The following GSE1 variants were observed in gnomAD, a reference collection of about 807,000 sequenced individuals.
GSE1 encodes Gse1 coiled-coil protein.
A neutral mutation model predicts 112.6 loss-of-function variants in GSE1; 32 were observed. That is an observed-to-expected ratio of 0.28 (90% CI 0.21 to 0.38). The LOEUF is 0.38. GSE1 is among the 10% of genes least tolerant of loss of function. The pLI, the probability that GSE1 is intolerant of heterozygous loss-of-function variation, is 1.00. For missense variants in GSE1, 2,348 were observed against 1,699.2 expected (o/e 1.38, Z -6.71); for synonymous variants, 1,115 against 735.6 (o/e 1.52, Z -8.35).
At chr16:85,646,502 G>A (rs992746791) in intron 2 of GSE1, among the ~76,000 whole-genome samples, 5 of 152,332 alleles carry the variant, frequency 3.3e-5, no homozygotes, top group Admixed American at 3.3e-4. Context: ...TGATATCATA[G>A]AATCCAGGGC....
chr16:85,420,001 G>A (rs2048795089), intron 2 of GSE1, among the ~76,000 whole-genome samples: 1 of 152,208 alleles, frequency 6.6e-6, no homozygotes, highest in African/African-American at 2.4e-5. Flanking sequence ...TGAATGCTGA[G>A]CTTGACATCG....
chr16:85,225,453 G>A (rs571576870), intron 1 of GSE1, among the ~76,000 whole-genome samples: 5 of 152,204 alleles, frequency 3.3e-5, no homozygotes, highest in Admixed American at 6.5e-5. Flanking sequence ...GGGGCTTTGT[G>A]GGGGGTAGGG....
chr16:85,636,170 C>A (rs748133539), intron 2 of GSE1, among the ~76,000 whole-genome samples: 12 of 152,192 alleles, frequency 7.9e-5, no homozygotes, highest in Non-Finnish European at 1.3e-4. Context: ...TGGTGGATGC[C>A]CCCCAGGAAA....
chr16:85,616,672 C>T (rs1426930693), intron 1 of GSE1, among the ~76,000 whole-genome samples: 1 of 152,036 alleles, frequency 6.6e-6, no homozygotes, highest in African/African-American at 2.4e-5. Flanking sequence ...GTGCCGAAGC[C>T]TGGCCGCCTG....
Position 85,322,614 on chromosome 16 carries a change from C to CT in GSE1, c.2284-34830dup, listed in dbSNP as rs34218941. Reference sequence around the variant, plus strand: ...GCAAAGGGCTGTTATCTCCATTTTGCTTTTTTTTTTTTTTTTTTTAAGACA... The same window carrying CT: ...GCAAAGGGCTGTTATCTCCATTTTGCTTTTTTTTTTTTTTTTTTTTAAGACA... On this transcript the variant is annotated intron_variant, in intron 1 of 2. Transcript: ENST00000637419. Among the ~76,000 whole-genome samples the CT allele has an allele frequency of 2.7e-3, 346 of 126,204 alleles. 2 individuals carry two copies. Among genetic ancestry groups the CT allele is most frequent in the Middle Eastern group, 8.1e-3 (2 of 246 alleles). 82.8% of individuals were successfully genotyped at this position (126,204 alleles called of 152,430 possible). A position where few individuals can be genotyped will look rare whatever the true frequency, so the allele number is the denominator to read the frequency against.
intron 2 of GSE1, among the ~76,000 whole-genome samples, chr16:85,533,762 G>A (rs1342738873): frequency 2.0e-5 from 3 of 152,138 alleles, no homozygotes; most frequent in Non-Finnish European, 4.4e-5. Flanking sequence ...CTACTTGGGA[G>A]GCTGAGGTGG....
At chr16:85,338,247 C>G (rs923704757) in intron 1 of GSE1, among the ~76,000 whole-genome samples, 2 of 152,244 alleles carry the variant, frequency 1.3e-5, no homozygotes, top group South Asian at 2.1e-4. Context: ...CCAGATGCGC[C>G]TTTTTCCGTA....
chr16:85,294,610 C>A (rs923025670), intron 1 of GSE1, among the ~76,000 whole-genome samples: 1 of 83,136 alleles, frequency 1.2e-5, no homozygotes, highest in Non-Finnish European at 2.5e-5. Flanking sequence ...TGCCAGCACG[C>A]CTCTCACTCT....
At chr16:85,283,619 C>T (rs910945791) in intron 1 of GSE1, 1 of 152,322 alleles carries the variant, frequency 6.6e-6, no homozygotes, top group African/African-American at 2.4e-5. Flanking sequence ...TGGACCCCAG[C>T]AGGCGGGGTT....
chr16:85,320,441 A>ATGTTTTGTTC (rs1555561565), intron 1 of GSE1, among the ~76,000 whole-genome samples: 1 of 149,040 alleles, frequency 6.7e-6, no homozygotes, highest in African/African-American at 2.5e-5. Context: ...TACCCGGCTA[A>ATGTTTTGTTC]TGTTTTGTTT....
At chr16:85,293,707 C>G (rs1425355479) in intron 1 of GSE1, among the ~76,000 whole-genome samples, 1 of 152,304 alleles carries the variant, frequency 6.6e-6, no homozygotes, top group East Asian at 1.9e-4. Flanking sequence ...CAGTTTCTGG[C>G]ATTGCCCACA....
chr16:85,445,424 C>T (rs549751772), intron 2 of GSE1, among the ~76,000 whole-genome samples: 10 of 152,248 alleles, frequency 6.6e-5, no homozygotes, highest in Admixed American at 2.0e-4. Flanking sequence ...TGCTCGCTGG[C>T]GGCCACGCAC....
At chr16:85,505,687 C>A (rs2051513953) in intron 2 of GSE1, among the ~76,000 whole-genome samples, 1 of 152,096 alleles carries the variant, frequency 6.6e-6, no homozygotes, top group South Asian at 2.1e-4. Context: ...TGATCATGAT[C>A]ACAGAATCTT....
In GSE1 at chr16:85,237,622, C is replaced by A. The variant is rs184106908; in HGVS notation, c.2283+65815C>A. Among the ~76,000 whole-genome samples the A allele has an allele frequency of 7.6e-3, 1,160 of 151,872 alleles. 10 individuals are homozygous for A. The highest frequency in any genetic ancestry group is 0.026 in the African/African-American group (1,091 of 41,376). ...GGGAGGCCGAGGCGGGCAGATCACG[C>A]GGTCAGGAGATTGAGACCATCTTGG... On this transcript the variant is annotated intron_variant, in intron 1 of 2. Transcript: ENST00000637419.
intron 2 of GSE1, among the ~76,000 whole-genome samples, chr16:85,396,962 G>C (rs1363591819): frequency 1.3e-5 from 2 of 152,230 alleles, no homozygotes; most frequent in Non-Finnish European, 2.9e-5. Context: ...AGAGAACAGA[G>C]TGACAGGTCC....
chr16:85,216,335 T>C lies in GSE1; in HGVS notation c.2283+44528T>C, dbSNP rs578142146. 2.4e-4 allele frequency among the ~76,000 whole-genome samples: 37 copies of C among 152,246 alleles called. 1 individual carries two copies. The highest frequency in any genetic ancestry group is 6.2e-4 in the South Asian group (3 of 4,824). ...GGGAGGATCACTTGGGCCCAGGAGA[T>C]GGAGGCTGCAGGGAGCTATGATCCC... is the stretch of plus-strand genomic sequence containing the variant. On this transcript the variant is annotated intron_variant, in intron 1 of 2. Coordinates refer to the GSE1 transcript ENST00000637419.
chr16:85,639,772 G>A (rs538797624), intron 2 of GSE1, among the ~76,000 whole-genome samples: 1 of 152,236 alleles, frequency 6.6e-6, no homozygotes, highest in African/African-American at 2.4e-5. Flanking sequence ...GCTGTGTGAC[G>A]AAGCCAGGGC....
intron 1 of GSE1, among the ~76,000 whole-genome samples, chr16:85,198,282 G>A (rs2074966323): frequency 6.6e-6 from 1 of 152,206 alleles, no homozygotes; most frequent in African/African-American, 2.4e-5. Context: ...TGTAAAAGGG[G>A]AGAGGAAAGG....
intron 1 of GSE1, among the ~76,000 whole-genome samples, chr16:85,313,320 C>T (rs1198312920): frequency 1.3e-5 from 2 of 152,076 alleles, no homozygotes; most frequent in Non-Finnish European, 2.9e-5. Context: ...TCAAGGTCCT[C>T]GAGACACCTG....
Sources: gnomAD v4.1 joint callset for allele counts (sites outside exome capture counted in the v4.1 genomes callset) on GRCh38, gnomAD v4.1.1 for gene constraint, MANE v1.5 for transcripts, NCBI Gene and HGNC (gene_info 2026-07-23, HGNC 2026-07-21) for gene names.